ICA1: variants seen among roughly 807,000 people sequenced by gnomAD.
ICA1 encodes islet cell autoantigen 1, also known as 69 kDa islet cell autoantigen.
In ICA1, 40 loss-of-function variants were observed where a neutral mutation model predicts 71.0. The ratio of observed to expected loss-of-function variants is 0.56; its 90% CI spans 0.44 to 0.73. The LOEUF (loss-of-function observed/expected upper bound fraction) is 0.73, where lower values mean the gene tolerates loss of function less well. Ranked by LOEUF, ICA1 falls within the 30% of genes least tolerant of loss-of-function variation. ICA1 has a pLI of 0.00. For synonymous variants in ICA1, 207 were observed against 209.5 expected, an observed-to-expected ratio of 0.99 and a Z score of 0.10; for missense variants, 578 against 576.5, an observed-to-expected ratio of 1.00 and a Z score of -0.03.
At chr7:8,129,917 T>A (rs1158238732) in intron 12 of ICA1, among the ~76,000 whole-genome samples, 1 of 140,392 alleles carries the variant, frequency 7.1e-6, no homozygotes, top group South Asian at 2.3e-4. Context: ...TGTGTTCTCA[T>A]TGTTCAATTC....
chr7:8,166,984 G>C (rs1237617972), intron 6 of ICA1, among the ~76,000 whole-genome samples: 1 of 152,158 alleles, frequency 6.6e-6, no homozygotes, highest in Non-Finnish European at 1.5e-5. Flanking sequence ...ATGACATGCT[G>C]GTGAGGCTGC....
At chr7:8,188,857 C>T (rs896538645) in intron 6 of ICA1, among the ~76,000 whole-genome samples, 1 of 152,130 alleles carries the variant, frequency 6.6e-6, no homozygotes, top group African/African-American at 2.4e-5. Flanking sequence ...GGGAGCATCC[C>T]TGTATTCTAT....
At chr7:8,252,550 C>T (rs558079621) in intron 1 of ICA1, among the ~76,000 whole-genome samples, 56 of 152,116 alleles carry the variant, frequency 3.7e-4, no homozygotes, top group Admixed American at 6.6e-4. Context: ...ACTTGAGATA[C>T]GGCTGGTATG....
At chr7:8,177,251 T>A (rs985846304) in intron 6 of ICA1, among the ~76,000 whole-genome samples, 1 of 152,262 alleles carries the variant, frequency 6.6e-6, no homozygotes, top group African/African-American at 2.4e-5. Flanking sequence ...GTTTATAATA[T>A]GTAGATACAT....
chr7:8,243,347 C>G (rs909617281), intron 1 of ICA1, among the ~76,000 whole-genome samples: 9 of 152,140 alleles, frequency 5.9e-5, no homozygotes, highest in African/African-American at 2.2e-4. Flanking sequence ...GCAGAAAAGG[C>G]CTTTGACAAA....
intron 6 of ICA1, among the ~76,000 whole-genome samples, chr7:8,185,412 A>T (rs377347075): frequency 9.9e-5 from 15 of 152,138 alleles, no homozygotes; most frequent in Admixed American, 6.5e-4. Flanking sequence ...CCACCAATCC[A>T]TTTATTCATC....
intron 8 of ICA1, among the ~76,000 whole-genome samples, chr7:8,154,140 A>G (rs1800661812): frequency 6.6e-6 from 1 of 152,166 alleles, no homozygotes; most frequent in Non-Finnish European, 1.5e-5. Flanking sequence ...TAAAAAAGCA[A>G]TATTTGTTGT....
chr7:8,238,241 C>T (rs1802519369), intron 1 of ICA1, among the ~76,000 whole-genome samples: 1 of 152,172 alleles, frequency 6.6e-6, no homozygotes, highest in Non-Finnish European at 1.5e-5. Flanking sequence ...ACAGCAGCTG[C>T]ACCATTTCAA....
chr7:8,234,939 G>A lies in ICA1; in HGVS notation c.17+971C>T, dbSNP rs1334831429. ...CCAGCACTTTGGGAGGCTGAGGTGG[G>A]CAGATCATGAGGTCAAGAGATCGAG... is the stretch of plus-strand genomic sequence containing the variant. On this transcript the variant is annotated intron_variant, in intron 2 of 13. Coordinates refer to ENST00000402384, the MANE Select transcript of ICA1 (RefSeq NM_001136020.3). The surrounding 1 kb of genome is among the most constrained non-coding windows in gnomAD (Gnocchi z 4.5). Among the ~76,000 whole-genome samples, 1 of 152,130 alleles carries A rather than the reference G, an allele frequency of 6.6e-6. No homozygotes were observed. The highest frequency in any genetic ancestry group is 6.5e-5 in the Admixed American group (1 of 15,270).
intron 8 of ICA1, among the ~76,000 whole-genome samples, chr7:8,148,929 A>T (rs1308669115): frequency 6.6e-6 from 1 of 152,160 alleles, no homozygotes; most frequent in Non-Finnish European, 1.5e-5. Flanking sequence ...TATTCTCTAG[A>T]CTGCTCTCCC....
At chr7:8,148,926 T>C (rs1165165445) in intron 8 of ICA1, among the ~76,000 whole-genome samples, 1 of 152,208 alleles carries the variant, frequency 6.6e-6, no homozygotes, top group Non-Finnish European at 1.5e-5. Context: ...GGATATTCTC[T>C]AGACTGCTCT....
chr7:8,127,109 G>A (rs1789518026), intron 13 of ICA1, among the ~76,000 whole-genome samples: 2 of 151,340 alleles, frequency 1.3e-5, no homozygotes, highest in African/African-American at 2.4e-5. Context: ...GAGTAACTAG[G>A]ATTTGGGATT....
chr7:8,260,744 A>C (rs1250734654), intron 1 of ICA1, among the ~76,000 whole-genome samples: 1 of 152,248 alleles, frequency 6.6e-6, no homozygotes, highest in Non-Finnish European at 1.5e-5. Context: ...TGAAATCTAA[A>C]AATATATCTT....
rs1348905172 is a variant in ICA1 at position 8,123,556 on chromosome 7, T to C, written c.1330+4317A>G. The stretch of plus-strand genomic sequence containing the variant: ...AGTGTGCCAGAGCGAATGTAGCTGC[T>C]GGCACACAGGAACAAGATTTCCTAG... On this transcript the variant is annotated intron_variant, in intron 13 of 13. Transcript: ENST00000402384. This position sits in a 1 kb window ranked among gnomAD's most constrained non-coding sequence, Gnocchi z 4.1. 6.6e-6 allele frequency among the ~76,000 whole-genome samples: 1 copy of C among 152,198 alleles called. No individual in the cohort carries two copies. The highest frequency in any genetic ancestry group is 2.4e-5 in the African/African-American group (1 of 41,440).
Position 8,205,905 on chromosome 7 carries a change from C to T in ICA1, c.579+12400G>A, listed in dbSNP as rs185328015. On this transcript the variant is annotated intron_variant, in intron 6 of 13. Coordinates refer to ENST00000402384, the MANE Select transcript of ICA1 (RefSeq NM_001136020.3). The stretch of plus-strand genomic sequence containing the variant: ...ACCTCCATGTCAGGAGACGAAACCT[C>T]GGCCTGTAGGGTGCTGCAATCCAAC... Among the ~76,000 whole-genome samples the T allele has an allele frequency of 3.8e-3, 576 of 152,304 alleles. 1 individual carries two copies. Among genetic ancestry groups the T allele is most frequent in the Non-Finnish European group, 5.1e-3 (347 of 68,024 alleles).
chr7:8,146,371 G>T (rs1281420347), intron 8 of ICA1, among the ~76,000 whole-genome samples: 2 of 152,154 alleles, frequency 1.3e-5, no homozygotes, highest in African/African-American at 4.8e-5. Context: ...GTTTGTCTGA[G>T]GAACAAAAAG....
At position 8,204,728 on chromosome 7, in the gene ICA1, T is replaced by C. The variant is rs16872835; in HGVS notation, c.579+13577A>G. ...AGTCTTTTGACTTTTGCACAACTCA[T>C]GTTTAACGTTCTTTTAAAGTACGTT... On this transcript the variant is annotated intron_variant, in intron 6 of 13. Coordinates refer to ENST00000402384, the MANE Select transcript of ICA1 (RefSeq NM_001136020.3). 8.5e-3 allele frequency among the ~76,000 whole-genome samples: 1,298 copies of C among 152,350 alleles called. 21 individuals are homozygous for C. Among genetic ancestry groups the C allele is most frequent in the African/African-American group, 0.026 (1,066 of 41,582 alleles).
At chr7:8,118,518 T>G (rs1019992642) in intron 13 of ICA1, among the ~76,000 whole-genome samples, 5 of 152,184 alleles carry the variant, frequency 3.3e-5, no homozygotes, top group Non-Finnish European at 7.3e-5. Context: ...AACGATTTTT[T>G]TTAATGACCA....
chr7:8,213,131 A>G (rs1794357336), intron 6 of ICA1, among the ~76,000 whole-genome samples: 1 of 152,240 alleles, frequency 6.6e-6, no homozygotes, highest in African/African-American at 2.4e-5. Flanking sequence ...ACAGGCACAC[A>G]ACAAAACCTA....
Sources: allele counts gnomAD v4.1 joint callset (sites outside exome capture counted in the v4.1 genomes callset), GRCh38; gene constraint gnomAD v4.1.1; non-coding constraint Gnocchi (gnomAD v3.1); transcripts MANE v1.5; gene names NCBI Gene and HGNC (gene_info 2026-07-23, HGNC 2026-07-21).